The following TSHZ2 variants were observed in gnomAD, a reference collection of about 807,000 sequenced individuals.
TSHZ2 encodes teashirt zinc finger homeobox 2, also known as teashirt homolog 2.
Under a neutral mutation model 74.4 loss-of-function variants are expected in TSHZ2, and 21 were observed. That is an observed-to-expected ratio of 0.28 (90% CI 0.20 to 0.41). TSHZ2 has a LOEUF of 0.41. Among genes scored for constraint, TSHZ2 ranks in the 10% least tolerant of loss-of-function variants. The pLI, the probability that TSHZ2 is intolerant of heterozygous loss-of-function variation, is 1.00. For missense variants in TSHZ2, 1,244 were observed against 1,293.5 expected (o/e 0.96, Z 0.59); for synonymous variants, 540 against 515.3 (o/e 1.05, Z -0.65).
At chr20:53,104,098 C>G (rs148980217) in intron 1 of TSHZ2, among the ~76,000 whole-genome samples, 3 of 152,294 alleles carry the variant, frequency 2.0e-5, no homozygotes, top group Middle Eastern at 3.4e-3. Flanking sequence ...CATCTGAGTT[C>G]TAAGACATCG....
chr20:53,286,926 C>T (rs73150633), intron 2 of TSHZ2, among the ~76,000 whole-genome samples: 3 of 147,298 alleles, frequency 2.0e-5, no homozygotes, highest in East Asian at 2.1e-4. Flanking sequence ...CACACACACA[C>T]GTAACACTTC....
intron 1 of TSHZ2, among the ~76,000 whole-genome samples, chr20:53,203,653 A>G (rs1286944864): frequency 6.6e-6 from 1 of 152,176 alleles, no homozygotes; most frequent in Admixed American, 6.6e-5. Flanking sequence ...TCTCCAGCCA[A>G]GGGTGCCAGG....
chr20:53,023,574 A>G (rs1188763121), intron 1 of TSHZ2, among the ~76,000 whole-genome samples: 3 of 152,068 alleles, frequency 2.0e-5, no homozygotes, highest in Non-Finnish European at 4.4e-5. Flanking sequence ...TGAAGCCATC[A>G]TAGTTCAAGT....
At position 53,256,443 on chromosome 20, in the gene TSHZ2, G is replaced by C; in HGVS notation, c.2985G>C (p.Lys995Asn). 1 of 1,614,160 alleles carries C rather than the reference G, an allele frequency of 6.2e-7. No individual in the cohort carries two copies. Among genetic ancestry groups the C allele is most frequent in the South Asian group, 1.1e-5 (1 of 91,082 alleles). Residue 995 changes from lysine (K) to asparagine (N), a missense_variant, in exon 2 of 3, where the codon AAG becomes AAC. Physicochemically the swap from Lys to Asn is moderately conservative, Grantham distance 94. Transcript: ENST00000371497. The surrounding 1 kb of genome is among the most constrained non-coding windows in gnomAD (Gnocchi z 4.3). ...AAEEDTDSKF[K>N]CKLCCRTFVS... ...AAGAGGACACAGACTCTAAATTCAA[G>C]TGTAAGTTGTGCTGTCGGACATTTG...
At chr20:53,351,451 T>C (rs1980643411) in intron 2 of TSHZ2, among the ~76,000 whole-genome samples, 1 of 152,244 alleles carries the variant, frequency 6.6e-6, no homozygotes, top group Non-Finnish European at 1.5e-5. Flanking sequence ...ACGAATGGAT[T>C]ATGATACTTA....
At chr20:53,161,029 G>A (rs1433430288) in intron 1 of TSHZ2, among the ~76,000 whole-genome samples, 1 of 112,066 alleles carries the variant, frequency 8.9e-6, no homozygotes. Context: ...ACAGCAAAAT[G>A]TTTGGGGTTT....
intron 2 of TSHZ2, among the ~76,000 whole-genome samples, chr20:53,470,294 T>C (rs1322465363): frequency 6.6e-6 from 1 of 152,228 alleles, no homozygotes; most frequent in Non-Finnish European, 1.5e-5. Flanking sequence ...ACTCTAAGAA[T>C]TGAAATTTGT....
At position 53,254,136 on chromosome 20, in the gene TSHZ2, C is replaced by T; in HGVS notation, c.678C>T (p.Thr226=). 1 of 1,614,060 alleles carries T rather than the reference C, an allele frequency of 6.2e-7. No individual in the cohort carries two copies. Among genetic ancestry groups the T allele is most frequent in the Non-Finnish European group, 8.5e-7 (1 of 1,180,028 alleles). ...RCRQCSAAYD[T]LVELTVHMNE... is the part of the protein sequence containing the mutation. Reference sequence around the variant, plus strand: ...GACAGTGCAGCGCGGCCTATGACACCCTAGTCGAGCTGACTGTGCACATGA... The same window carrying T: ...GACAGTGCAGCGCGGCCTATGACACTCTAGTCGAGCTGACTGTGCACATGA... Residue 226 remains threonine, a synonymous_variant, in exon 2 of 3, where the codon ACC becomes ACT. Coordinates refer to ENST00000371497, the MANE Select transcript of TSHZ2 (RefSeq NM_173485.6).
intron 1 of TSHZ2, chr20:53,178,757 C>T (rs147576080): frequency 7.0e-4 from 107 of 152,258 alleles, no homozygotes; most frequent in African/African-American, 2.5e-3. Flanking sequence ...GCTTAATTTT[C>T]CTTTGTAATA....
Position 53,494,722 on chromosome 20 carries a change from A to T in TSHZ2, c.*7587A>T, listed in dbSNP as rs1359607523. 1.0e-5 allele frequency: 1 copy of T among 98,406 alleles called. No homozygotes were observed. The highest frequency in any genetic ancestry group is 4.1e-5 in the African/African-American group (1 of 24,340). 6.1% of individuals were successfully genotyped at this position (98,406 alleles called of 1,614,324 possible). The stretch of plus-strand genomic sequence containing the variant: ...GACACTACTTTGTTGAGCTATTGTG[A>T]AAAAAAAACAACACATTCGCCAAGG... On this transcript the variant is annotated 3_prime_UTR_variant, in exon 3 of 3. Transcript: ENST00000371497.
chr20:53,066,149 G>A (rs1984977188), intron 1 of TSHZ2, among the ~76,000 whole-genome samples: 1 of 152,100 alleles, frequency 6.6e-6, no homozygotes, highest in Non-Finnish European at 1.5e-5. Flanking sequence ...AAGGAATGGC[G>A]GCCTAGGGGA....
chr20:53,367,754 G>A (rs569667616), intron 2 of TSHZ2, among the ~76,000 whole-genome samples: 1 of 152,040 alleles, frequency 6.6e-6, no homozygotes, highest in South Asian at 2.1e-4. Flanking sequence ...TGTATTTTTA[G>A]TAGAGACGGG....
At chr20:53,360,783 G>A (rs1386288058) in intron 2 of TSHZ2, among the ~76,000 whole-genome samples, 1 of 152,166 alleles carries the variant, frequency 6.6e-6, no homozygotes, top group Non-Finnish European at 1.5e-5. Context: ...TAGACCTGGA[G>A]TATCAAACCC....
At chr20:53,158,858 C>A (rs1987859587) in intron 1 of TSHZ2, among the ~76,000 whole-genome samples, 1 of 152,254 alleles carries the variant, frequency 6.6e-6, no homozygotes, top group Admixed American at 6.5e-5. Flanking sequence ...CTGGTCTTTG[C>A]CTCACCTGCC....
chr20:52,999,198 GCA>G (rs1417157345), intron 1 of TSHZ2, among the ~76,000 whole-genome samples: 4 of 152,232 alleles, frequency 2.6e-5, no homozygotes, highest in South Asian at 2.1e-4. Context: ...TCTCCAAGAT[GCA>G]CAGAGTTCCC....
intron 1 of TSHZ2, chr20:53,178,495 T>C (rs755985270): frequency 6.6e-6 from 1 of 152,256 alleles, no homozygotes; most frequent in African/African-American, 2.4e-5. Context: ...CTGTCCATTG[T>C]AAAACATGCT....
chr20:53,129,129 AAAC>A (rs1431661989), intron 1 of TSHZ2, among the ~76,000 whole-genome samples: 9 of 152,312 alleles, frequency 5.9e-5, no homozygotes, highest in East Asian at 1.9e-4. Context: ...GAAAAATTAG[AAAC>A]AACAACAATA....
At chr20:53,351,031 G>C (rs538225328) in intron 2 of TSHZ2, among the ~76,000 whole-genome samples, 3 of 152,264 alleles carry the variant, frequency 2.0e-5, no homozygotes, top group African/African-American at 7.2e-5. Flanking sequence ...AATATTGCTG[G>C]GTGTTTTTTC....
At chr20:53,137,556 A>G (rs946729094) in intron 1 of TSHZ2, among the ~76,000 whole-genome samples, 4 of 152,056 alleles carry the variant, frequency 2.6e-5, no homozygotes, top group Non-Finnish European at 5.9e-5. Flanking sequence ...TCTCTCACCC[A>G]TCAAATCTGC....
Sources: allele counts gnomAD v4.1 joint callset (sites outside exome capture counted in the v4.1 genomes callset), GRCh38; gene constraint gnomAD v4.1.1; non-coding constraint Gnocchi (gnomAD v3.1); transcripts MANE v1.5; gene names NCBI Gene and HGNC (gene_info 2026-07-23, HGNC 2026-07-21).